The following SPAG16 variants were observed in gnomAD, a reference collection of about 807,000 sequenced individuals.
SPAG16 encodes the protein sperm associated antigen 16.
Under a neutral mutation model 80.4 loss-of-function variants are expected in SPAG16, and 86 were observed. The ratio of observed to expected loss-of-function variants is 1.07; its 90% CI spans 0.90 to 1.28. The LOEUF (loss-of-function observed/expected upper bound fraction) is 1.28. Ranked by LOEUF, SPAG16 falls within the 50% of genes most tolerant of loss-of-function variation. SPAG16 has a pLI of 0.00. For synonymous variants in SPAG16, 294 were observed against 265.9 expected, an observed-to-expected ratio of 1.11 and a Z score of -1.03; for missense variants, 870 against 765.3, an observed-to-expected ratio of 1.14 and a Z score of -1.61.
chr2:214,144,804 C>A (rs530726476), intron 14 of SPAG16, among the ~76,000 whole-genome samples: 1 of 151,900 alleles, frequency 6.6e-6, no homozygotes, highest in African/African-American at 2.4e-5. Flanking sequence ...GTATATGAAA[C>A]CCAGCAAGTT....
intron 11 of SPAG16, among the ~76,000 whole-genome samples, chr2:213,919,031 T>A (rs2078093432): frequency 6.6e-6 from 1 of 152,174 alleles, no homozygotes; most frequent in African/African-American, 2.4e-5. Context: ...ATTTGGATCT[T>A]CTTTCTTCTT....
chr2:213,317,014 T>C (rs2063426199), intron 4 of SPAG16, among the ~76,000 whole-genome samples: 1 of 152,062 alleles, frequency 6.6e-6, no homozygotes. Flanking sequence ...GTTATTATAT[T>C]TTATACACCA....
chr2:213,620,499 A>G (rs1241103225), intron 10 of SPAG16, among the ~76,000 whole-genome samples: 1 of 151,804 alleles, frequency 6.6e-6, no homozygotes, highest in Non-Finnish European at 1.5e-5. Context: ...TCACCGTGTT[A>G]GCCAGGATGG....
intron 13 of SPAG16, among the ~76,000 whole-genome samples, chr2:214,018,346 G>A (rs886477636): frequency 8.5e-5 from 13 of 152,100 alleles, no homozygotes; most frequent in African/African-American, 2.2e-4. Flanking sequence ...ACAAAGACAC[G>A]TGTTATATGT....
intron 13 of SPAG16, among the ~76,000 whole-genome samples, chr2:214,105,669 T>A (rs1333008792): frequency 6.6e-6 from 1 of 152,176 alleles, no homozygotes; most frequent in African/African-American, 2.4e-5. Flanking sequence ...TCTTCTTTCT[T>A]TTTTATTTTT....
chr2:213,884,584 A>G (rs2076482095), intron 11 of SPAG16, among the ~76,000 whole-genome samples: 1 of 152,198 alleles, frequency 6.6e-6, no homozygotes, highest in Admixed American at 6.5e-5. Flanking sequence ...ATACTCAAAT[A>G]TAATTTCCAA....
At chr2:214,223,630 T>G (rs1370686325) in intron 15 of SPAG16, among the ~76,000 whole-genome samples, 3 of 152,136 alleles carry the variant, frequency 2.0e-5, no homozygotes, top group African/African-American at 7.2e-5. Context: ...TAAATTTAAG[T>G]ATTTCTTCTC....
At chr2:214,041,358 C>T (rs2048996432) in intron 13 of SPAG16, among the ~76,000 whole-genome samples, 1 of 151,138 alleles carries the variant, frequency 6.6e-6, no homozygotes, top group Admixed American at 6.6e-5. Flanking sequence ...TGTTTATATT[C>T]TCATTCTCTG....
intron 14 of SPAG16, among the ~76,000 whole-genome samples, chr2:214,140,954 T>C (rs892511055): frequency 6.9e-5 from 2 of 29,112 alleles, no homozygotes; most frequent in Admixed American, 3.9e-4. Flanking sequence ...GGGTGGGGGG[T>C]GGGGGGATGT....
chr2:214,369,202 CTG>C (rs1316639180), intron 15 of SPAG16, among the ~76,000 whole-genome samples: 1 of 151,992 alleles, frequency 6.6e-6, no homozygotes, highest in Non-Finnish European at 1.5e-5. Flanking sequence ...ATTGAAAATG[CTG>C]TGTTCCTTTA....
intron 9 of SPAG16, among the ~76,000 whole-genome samples, chr2:213,394,775 C>T (rs1434098868): frequency 6.6e-6 from 1 of 152,162 alleles, no homozygotes; most frequent in East Asian, 1.9e-4. Context: ...AGTAGCTGAT[C>T]ATGTTATTAA....
At chr2:213,688,000 G>C (rs928095087) in intron 10 of SPAG16, among the ~76,000 whole-genome samples, 1 of 152,112 alleles carries the variant, frequency 6.6e-6, no homozygotes, top group African/African-American at 2.4e-5. Context: ...AGGTGGTCAG[G>C]GTGCAGCTTG....
Position 213,853,505 on chromosome 2 carries a change from A to C in SPAG16, c.1071-8980A>C, listed in dbSNP as rs142329254. Among the ~76,000 whole-genome samples, 254 of 152,338 alleles carry C rather than the reference A, an allele frequency of 1.7e-3. 1 individual carries two copies. The highest frequency in any genetic ancestry group is 5.8e-3 in the African/African-American group (243 of 41,582). ...ATGTAACATGCCTGGTATATTGTTT[A>C]ACAAAACATTTTATGGATACTTCAT... On this transcript the variant is annotated intron_variant, in intron 10 of 15. Coordinates refer to ENST00000331683, the MANE Select transcript of SPAG16 (RefSeq NM_024532.5).
At chr2:213,871,606 A>C (rs1243560151) in intron 11 of SPAG16, among the ~76,000 whole-genome samples, 1 of 151,924 alleles carries the variant, frequency 6.6e-6, no homozygotes, top group Admixed American at 6.6e-5. Context: ...GACCTCAAGG[A>C]CTTGCACAAG....
chr2:213,486,544 A>T (rs1263254194), intron 9 of SPAG16, among the ~76,000 whole-genome samples: 1 of 152,122 alleles, frequency 6.6e-6, no homozygotes, highest in Non-Finnish European at 1.5e-5. Context: ...GATGGAACTG[A>T]AAGTTATTAT....
intron 12 of SPAG16, among the ~76,000 whole-genome samples, chr2:213,976,109 GATATATATAT>G (rs1553685173): frequency 1.2e-4 from 15 of 121,510 alleles, no homozygotes; most frequent in African/African-American, 4.0e-4. Flanking sequence ...CAGTGAGGGA[GATATATATAT>G]ATATATATAT....
At chr2:214,077,042 C>T (rs2051116224) in intron 13 of SPAG16, among the ~76,000 whole-genome samples, 1 of 151,934 alleles carries the variant, frequency 6.6e-6, no homozygotes, top group Non-Finnish European at 1.5e-5. Flanking sequence ...ATCTAGAAGC[C>T]TAAGAATAAC....
In SPAG16 at chr2:213,896,462, A is replaced by G. The variant is rs558381644; in HGVS notation, c.1215-33498A>G. Among the ~76,000 whole-genome samples, 35 of 152,036 alleles carry G rather than the reference A, an allele frequency of 2.3e-4. No individual in the cohort carries two copies. In the South Asian group the frequency reaches 6.8e-3, roughly 30 times the overall value. ...TGGGTATATAATCAAAAGAAAGGAA[A>G]TCAGTATATCGAAGAGACATTACAC... is the stretch of plus-strand genomic sequence containing the variant. On this transcript the variant is annotated intron_variant, in intron 11 of 15. Coordinates refer to ENST00000331683, the MANE Select transcript of SPAG16 (RefSeq NM_024532.5).
chr2:213,446,277 C>T (rs2071306210), intron 9 of SPAG16, among the ~76,000 whole-genome samples: 2 of 152,276 alleles, frequency 1.3e-5, no homozygotes, highest in Middle Eastern at 3.4e-3. Context: ...GACATTGGTT[C>T]AGAATCTGGT....
Sources: allele counts gnomAD v4.1 joint callset (sites outside exome capture counted in the v4.1 genomes callset), GRCh38; gene constraint gnomAD v4.1.1; transcripts MANE v1.5; gene names NCBI Gene and HGNC (gene_info 2026-07-23, HGNC 2026-07-21).